Variants in ZYG11A observed in about 807,000 individuals in gnomAD.
The protein encoded by ZYG11A is protein zyg-11 homolog A.
Under a neutral mutation model 77.2 loss-of-function variants are expected in ZYG11A, and 62 were observed. The observed-to-expected ratio is 0.80, with a 90% CI of 0.65 to 0.99. The LOEUF (loss-of-function observed/expected upper bound fraction) is 0.99. Among genes scored for constraint, ZYG11A ranks in the 50% least tolerant of loss-of-function variants. The probability of loss-of-function intolerance (pLI) is 0.00; values close to 1 mark genes in which losing one functional copy is unlikely to be tolerated. For missense variants in ZYG11A, 828 were observed against 896.8 expected (o/e 0.92, Z 0.98); for synonymous variants, 315 against 324.6 (o/e 0.97, Z 0.32).
intron 1 of ZYG11A, 94 bp downstream of exon 1, chr1:52,843,067 T>A: frequency 8.9e-7 from 1 of 1,122,846 alleles, no homozygotes; most frequent in Non-Finnish European, 1.2e-6. Context: ...CCGAGGCACT[T>A]GCTGGGGAGT....
At chr1:52,865,018 G>A (rs1042068787) in intron 5 of ZYG11A, among the ~76,000 whole-genome samples, 3 of 151,714 alleles carry the variant, frequency 2.0e-5, no homozygotes, top group African/African-American at 7.3e-5. Flanking sequence ...CTAGAGTGCA[G>A]TAGCACGATC....
chr1:52,881,850 G>T, intron 11 of ZYG11A, 185 bp downstream of exon 11: 6 of 470,186 alleles, frequency 1.3e-5, no homozygotes, highest in East Asian at 7.0e-5. Flanking sequence ...ACTTACTTCG[G>T]TCCTCTTTCT....
chr1:52,886,699 A>ATTTTTTTTTTTT (rs386366962), intron 12 of ZYG11A, among the ~76,000 whole-genome samples: 1 of 69,104 alleles, frequency 1.4e-5, no homozygotes, highest in African/African-American at 6.4e-5. Context: ...GGCCCAGCTA[A>ATTTTTTTTTTTT]TTTTTTTTTT....
At chr1:52,884,207 C>T (rs1646408322) in intron 11 of ZYG11A, among the ~76,000 whole-genome samples, 1 of 147,960 alleles carries the variant, frequency 6.8e-6, no homozygotes, top group South Asian at 2.4e-4. Flanking sequence ...AAAAAATTAG[C>T]TGGGCGTGGC....
chr1:52,863,388 CT>C (rs1269714290), intron 4 of ZYG11A, among the ~76,000 whole-genome samples: 1 of 152,054 alleles, frequency 6.6e-6, no homozygotes, highest in Non-Finnish European at 1.5e-5. Flanking sequence ...TTCTGTTTTT[CT>C]TTATCACTTT....
Position 52,894,898 on chromosome 1 carries a change from A to G in ZYG11A, c.*1941A>G, listed in dbSNP as rs745463954. 2 of 152,218 alleles carry G rather than the reference A, an allele frequency of 1.3e-5. No homozygotes were observed. Among genetic ancestry groups the G allele is most frequent in the Non-Finnish European group, 2.9e-5 (2 of 68,046 alleles). The allele number at this position is 152,218 out of a possible 1,614,324, so 9.4% of individuals were successfully genotyped here. On this transcript the variant is annotated 3_prime_UTR_variant, in exon 14 of 14. Transcript: ENST00000371528. ...ATGTGTTAGGGGAACTAGTGTGTTA[A>G]GTCCAATTCTGTACAAGACATCCTT...
In ZYG11A at chr1:52,858,223, C is replaced by G. The variant is rs1226567090; in HGVS notation, c.1008+474C>G. On this transcript the variant is annotated intron_variant, in intron 3 of 13. Coordinates refer to ENST00000371528, the MANE Select transcript of ZYG11A (RefSeq NM_001004339.3). ...ACCAGCCTGGCCAACATGGTGAAACCTGGTCTCTACTAAAAATACAAAAAT... is the reference window on the plus strand; with the variant it reads ...ACCAGCCTGGCCAACATGGTGAAACGTGGTCTCTACTAAAAATACAAAAAT... Among the ~76,000 whole-genome samples the G allele has an allele frequency of 6.7e-5, 10 of 149,482 alleles. No individual in the cohort carries two copies. The East Asian group carries it at 1.9e-3, about 29-fold the overall frequency.
In ZYG11A at chr1:52,885,845, C is replaced by G; in HGVS notation, c.1957C>G (p.Gln653Glu). 1 of 1,548,080 alleles carries G rather than the reference C, an allele frequency of 6.5e-7. No individual in the cohort carries two copies. Among genetic ancestry groups the G allele is most frequent in the Non-Finnish European group, 8.7e-7 (1 of 1,145,366 alleles). Residue 653 changes from glutamine (Q) to glutamate (E), a missense_variant, in exon 12 of 14, where the codon CAG becomes GAG. Physicochemically the swap from Gln to Glu is conservative, Grantham distance 29 (BLOSUM62 2). Coordinates refer to ENST00000371528, the MANE Select transcript of ZYG11A (RefSeq NM_001004339.3). ...GTTTTTGGAGTAGCATGCAACCATA[C>G]AGAATTGGCCAAGTTCAAGTTGTAA... ...TLLQDLHATI[Q>E]NWPSSSCKMT...
intron 1 of ZYG11A, among the ~76,000 whole-genome samples, chr1:52,844,135 G>A (rs17107438): frequency 0.066 from 10,065 of 152,186 alleles, 522 homozygotes; most frequent in African/African-American, 0.14. Context: ...TCAGACCTCT[G>A]GCCCCACTTT....
chr1:52,846,912 A>G (rs1340074951), intron 1 of ZYG11A, among the ~76,000 whole-genome samples: 2 of 150,838 alleles, frequency 1.3e-5, no homozygotes, highest in East Asian at 1.9e-4. Flanking sequence ...CAGTGGCGCA[A>G]TGTCAGCTCA....
At chr1:52,853,109 G>A (rs1228565738) in intron 1 of ZYG11A, among the ~76,000 whole-genome samples, 18 of 152,244 alleles carry the variant, frequency 1.2e-4, no homozygotes, top group Admixed American at 6.5e-4. Context: ...CAGGCATAGT[G>A]TTCAAGAAGA....
At chr1:52,864,283 TC>T (rs1286899680) in intron 5 of ZYG11A, 126 bp downstream of exon 5, 1 of 997,850 alleles carries the variant, frequency 1.0e-6, no homozygotes, top group Non-Finnish European at 1.4e-6. Context: ...TCTCTCTCTG[TC>T]GCCCAGGCTG....
At chr1:52,859,359 G>A (rs1672915) in intron 3 of ZYG11A, among the ~76,000 whole-genome samples, 98,664 of 150,960 alleles carry the variant, frequency 0.65, 33,324 homozygotes, top group African/African-American at 0.79. Context: ...TTTTTGAGAC[G>A]GAGTCTTGCT....
chr1:52,886,235 T>C (rs1646448741), intron 12 of ZYG11A, among the ~76,000 whole-genome samples: 1 of 151,942 alleles, frequency 6.6e-6, no homozygotes, highest in Non-Finnish European at 1.5e-5. Context: ...CCTGGCCCAG[T>C]GTTGAGCTTT....
intron 11 of ZYG11A, among the ~76,000 whole-genome samples, chr1:52,882,989 CATATCTAGCTCA>C (rs1646385830): frequency 3.3e-5 from 5 of 151,938 alleles, no homozygotes; most frequent in African/African-American, 9.7e-5. Context: ...CTCATCTTTT[CATATCTAGCTCA>C]TTTATCTTTT....
rs1553121657 is a variant in ZYG11A, at chr1:52,859,663, T to TACCTATACTATAG, written c.1009-1068_1009-1067insACCTATACTATAG. On this transcript the variant is annotated intron_variant, in intron 3 of 13. Coordinates refer to ENST00000371528, the MANE Select transcript of ZYG11A (RefSeq NM_001004339.3). ...CTCTTTATTTTTATCTGTTTGTGTA[T>TACCTATACTATAG]TGCCTTTTTTTTTTTTTTTTTTTTT... Among the ~76,000 whole-genome samples the TACCTATACTATAG allele has an allele frequency of 7.1e-5, 9 of 126,118 alleles. 1 individual carries two copies. In the South Asian group the frequency reaches 2.1e-3, roughly 29 times the overall value. 82.7% of individuals were successfully genotyped at this position (126,118 alleles called of 152,430 possible).
intron 1 of ZYG11A, among the ~76,000 whole-genome samples, chr1:52,847,880 A>ATTT (rs758073091): frequency 2.3e-5 from 1 of 42,800 alleles, no homozygotes; most frequent in African/African-American, 7.0e-5. Flanking sequence ...TTATTTATTT[A>ATTT]TTTTTTTGAG....
chr1:52,863,881 C>G, intron 4 of ZYG11A, 100 bp from the exon 5 acceptor site: 1 of 1,105,976 alleles, frequency 9.0e-7, no homozygotes. Flanking sequence ...AAATCTGTTC[C>G]TGTCCCAATA....
At chr1:52,856,508 C>T (rs572045521) in intron 2 of ZYG11A, among the ~76,000 whole-genome samples, 1 of 151,522 alleles carries the variant, frequency 6.6e-6, no homozygotes, top group Non-Finnish European at 1.5e-5. Flanking sequence ...ATAGGACAAC[C>T]CATTCGTTTT....
Sources: gnomAD v4.1 joint callset for allele counts (sites outside exome capture counted in the v4.1 genomes callset) on GRCh38, gnomAD v4.1.1 for gene constraint, MANE v1.5 for transcripts, NCBI Gene and HGNC (gene_info 2026-07-23, HGNC 2026-07-21) for gene names.